ADGB: variants seen among roughly 807,000 people sequenced by gnomAD.
ADGB encodes the protein calpain-7-like protein.
ADGB carries 172 observed loss-of-function variants against 210.5 expected under a neutral mutation model. The ratio of observed to expected loss-of-function variants is 0.82; its 90% CI spans 0.72 to 0.93. The LOEUF (loss-of-function observed/expected upper bound fraction) is 0.93, where lower values mean the gene tolerates loss of function less well. Ranked by LOEUF, ADGB falls within the 40% of genes least tolerant of loss-of-function variation. ADGB has a pLI of 0.00. For missense variants in ADGB, 2,025 were observed against 1,964.8 expected, an observed-to-expected ratio of 1.03 and a Z score of -0.58; for synonymous variants, 658 against 662.7, an observed-to-expected ratio of 0.99 and a Z score of 0.11.
At chr6:146,653,024 A>T (rs1047886259) in intron 3 of ADGB, among the ~76,000 whole-genome samples, 4 of 152,142 alleles carry the variant, frequency 2.6e-5, no homozygotes, top group Non-Finnish European at 4.4e-5. Context: ...GCTCCACATC[A>T]CTTGCATTAC....
chr6:146,802,112 T>A, intron 35 of ADGB, 101 bp downstream of exon 35: 1 of 865,952 alleles, frequency 1.2e-6, no homozygotes, highest in Non-Finnish European at 1.6e-6. Context: ...GAAATAAGTC[T>A]TGAAAACATA....
At chr6:146,726,622 G>A (rs1232995688) in intron 19 of ADGB, among the ~76,000 whole-genome samples, 1 of 152,088 alleles carries the variant, frequency 6.6e-6, no homozygotes, top group Non-Finnish European at 1.5e-5. Flanking sequence ...AAACTATTAA[G>A]TATACTCTGC....
chr6:146,775,787 A>G (rs1777712065), intron 29 of ADGB, among the ~76,000 whole-genome samples: 1 of 151,878 alleles, frequency 6.6e-6, no homozygotes, highest in Non-Finnish European at 1.5e-5. Flanking sequence ...CTTTGAGGAA[A>G]CCAAACATTA....
At chr6:146,720,069 A>G (rs559754193) in intron 16 of ADGB, among the ~76,000 whole-genome samples, 75 of 152,168 alleles carry the variant, frequency 4.9e-4, no homozygotes, top group African/African-American at 1.7e-3. Flanking sequence ...TTTTTTTAAT[A>G]TTGTGGTAGA....
intron 5 of ADGB, among the ~76,000 whole-genome samples, chr6:146,661,753 G>A (rs1775862452): frequency 6.6e-6 from 1 of 151,340 alleles, no homozygotes; most frequent in Non-Finnish European, 1.5e-5. Flanking sequence ...TTTTATTTCT[G>A]AAAAATTTTC....
chr6:146,747,432 T>G (rs1777255832), intron 26 of ADGB, among the ~76,000 whole-genome samples: 2 of 152,142 alleles, frequency 1.3e-5, no homozygotes, highest in African/African-American at 4.8e-5. Flanking sequence ...AAGCTGGTAT[T>G]AAAGTCATCA....
At chr6:146,802,308 A>G (rs71566457) in intron 35 of ADGB, 2,507 of 189,556 alleles carry the variant, frequency 0.013, 54 homozygotes, top group Non-Finnish European at 0.013. Context: ...GATGAAGATC[A>G]TATTAATCAG....
At chr6:146,760,927 C>A (rs1350551258) in intron 27 of ADGB, among the ~76,000 whole-genome samples, 1 of 151,832 alleles carries the variant, frequency 6.6e-6, no homozygotes, top group Non-Finnish European at 1.5e-5. Context: ...ACACATTACA[C>A]CCACATTTTT....
chr6:146,685,757 C>A lies in ADGB; in HGVS notation c.1240C>A (p.His414Asn). ...AGGTTCTTCTGCAATACAGACCTCT[C>A]ATATGGTCGTATATGCGACATTTAC... ...SDCSSAIQTS[H>N]MVVYATFTPL... Residue 414 changes from histidine to asparagine, a missense_variant, in exon 10 of 36, where the codon CAT becomes AAT. By Grantham distance (68) the His-to-Asn change is moderately conservative (BLOSUM62 1). Coordinates refer to ENST00000397944, the MANE Select transcript of ADGB (RefSeq NM_024694.4). 6.5e-7 allele frequency: 1 copy of A among 1,536,924 alleles called. No individual in the cohort carries two copies. The highest frequency in any genetic ancestry group is 1.2e-5 in the South Asian group (1 of 81,820).
At chr6:146,699,570 C>T (rs1776459236) in intron 12 of ADGB, among the ~76,000 whole-genome samples, 1 of 152,062 alleles carries the variant, frequency 6.6e-6, no homozygotes, top group Non-Finnish European at 1.5e-5. Flanking sequence ...ACGCCAATCA[C>T]CTCTGGAAGC....
At chr6:146,758,244 CT>C (rs1777437772) in intron 27 of ADGB, among the ~76,000 whole-genome samples, 1 of 152,012 alleles carries the variant, frequency 6.6e-6, no homozygotes, top group South Asian at 2.1e-4. Context: ...GTTTTTAACT[CT>C]TTAAAATGGC....
Position 146,814,911 on chromosome 6 carries a change from A to G in ADGB, c.4819-121A>G, listed in dbSNP as rs908805248. ...GACCATACACTAATTTTCATCTTCA[A>G]TCATTTTGCCTATGAATGTGTGGGC... On this transcript the variant is annotated intron_variant, in intron 35 of 35. Coordinates refer to ENST00000397944, the MANE Select transcript of ADGB (RefSeq NM_024694.4). The G allele has an allele frequency of 4.1e-5, 37 of 902,116 alleles. No individual in the cohort carries two copies. In the African/African-American group the frequency reaches 5.9e-4, roughly 14 times the overall value. The allele number at this position is 902,116 out of a possible 1,614,324, so 55.9% of individuals were successfully genotyped here.
intron 17 of ADGB, among the ~76,000 whole-genome samples, chr6:146,722,031 T>C (rs1776826031): frequency 1.3e-5 from 2 of 152,012 alleles, no homozygotes; most frequent in African/African-American, 4.8e-5. Context: ...TCTGTTCACC[T>C]TTTTGGTGTA....
intron 18 of ADGB, 50 bp from the exon 19 acceptor site, chr6:146,726,033 G>C (rs200293114): frequency 1.6e-6 from 2 of 1,238,064 alleles, no homozygotes; most frequent in South Asian, 2.8e-5. Flanking sequence ...CAGGTCAAAT[G>C]CCACCACCCA....
intron 5 of ADGB, among the ~76,000 whole-genome samples, chr6:146,664,000 G>A (rs1261627974): frequency 6.6e-6 from 1 of 152,066 alleles, no homozygotes; most frequent in Non-Finnish European, 1.5e-5. Context: ...ACATGGGTGA[G>A]CTGTGATTAT....
At chr6:146,806,813 T>A (rs969336569) in intron 35 of ADGB, among the ~76,000 whole-genome samples, 1 of 152,258 alleles carries the variant, frequency 6.6e-6, no homozygotes, top group South Asian at 2.1e-4. Context: ...CAGAAGACAA[T>A]CTAAGAGCTA....
At chr6:146,698,068 A>G (rs1430796755) in intron 12 of ADGB, among the ~76,000 whole-genome samples, 1 of 152,168 alleles carries the variant, frequency 6.6e-6, no homozygotes, top group Non-Finnish European at 1.5e-5. Context: ...GGAAGTAACC[A>G]ATGTGGTTAT....
At chr6:146,723,166 A>G (rs1045356282) in intron 17 of ADGB, among the ~76,000 whole-genome samples, 2 of 152,140 alleles carry the variant, frequency 1.3e-5, no homozygotes, top group African/African-American at 4.8e-5. Context: ...ATCTAAATTT[A>G]GTGCATCTAC....
intron 13 of ADGB, among the ~76,000 whole-genome samples, chr6:146,707,349 C>T (rs1397553319): frequency 6.6e-6 from 1 of 152,058 alleles, no homozygotes; most frequent in Non-Finnish European, 1.5e-5. Flanking sequence ...CTGTTAGGTC[C>T]ATTTGATCTA....
Sources: gnomAD v4.1 joint callset for allele counts (sites outside exome capture counted in the v4.1 genomes callset) on GRCh38, gnomAD v4.1.1 for gene constraint, MANE v1.5 for transcripts, NCBI Gene and HGNC (gene_info 2026-07-23, HGNC 2026-07-21) for gene names.